PDS5A: variants seen among roughly 807,000 people sequenced by gnomAD.
PDS5A encodes the protein PDS5 cohesin associated factor A, also known as sister chromatid cohesion protein PDS5 homolog A.
Under a neutral mutation model 167.1 loss-of-function variants are expected in PDS5A, and 42 were observed. The ratio of observed to expected loss-of-function variants is 0.25; its 90% CI spans 0.20 to 0.33. The LOEUF (loss-of-function observed/expected upper bound fraction) is 0.33, where lower values mean the gene tolerates loss of function less well. Among genes scored for constraint, PDS5A ranks in the 10% least tolerant of loss-of-function variants. The probability of loss-of-function intolerance (pLI) is 1.00; values close to 1 mark genes in which losing one functional copy is unlikely to be tolerated. For missense variants in PDS5A, 1,033 were observed against 1,605.9 expected (o/e 0.64, Z 6.10); for synonymous variants, 553 against 554.6 (o/e 1.00, Z 0.04).
chr4:39,974,537 T>C (rs1357932115), intron 2 of PDS5A, among the ~76,000 whole-genome samples: 2 of 152,168 alleles, frequency 1.3e-5, no homozygotes, highest in African/African-American at 4.8e-5. Context: ...CAATATTTGC[T>C]TTATTTATTT....
At chr4:39,944,940 C>T (rs1440861741) in intron 2 of PDS5A, among the ~76,000 whole-genome samples, 4 of 151,882 alleles carry the variant, frequency 2.6e-5, no homozygotes, top group Non-Finnish European at 5.9e-5. Context: ...ATTTTCTTTA[C>T]AAATTCTTAA....
At chr4:39,938,301 T>A (rs1324083942) in intron 2 of PDS5A, among the ~76,000 whole-genome samples, 2 of 152,180 alleles carry the variant, frequency 1.3e-5, no homozygotes, top group African/African-American at 4.8e-5. Flanking sequence ...ACACCTGTAA[T>A]CCTAGCACTT....
chr4:39,854,558 G>T (rs1718378768), intron 26 of PDS5A, among the ~76,000 whole-genome samples: 1 of 152,130 alleles, frequency 6.6e-6, no homozygotes, highest in Admixed American at 6.5e-5. Context: ...CTGCTCTACA[G>T]ATTATTTTTT....
At chr4:39,893,916 T>C (rs1189152633) in intron 16 of PDS5A, among the ~76,000 whole-genome samples, 1 of 152,260 alleles carries the variant, frequency 6.6e-6, no homozygotes, top group African/African-American at 2.4e-5. Context: ...TGATTGGCTA[T>C]ACTGTGTGGC....
At chr4:39,835,988 A>T (rs1008574874) in intron 32 of PDS5A, among the ~76,000 whole-genome samples, 8 of 152,220 alleles carry the variant, frequency 5.3e-5, no homozygotes, top group African/African-American at 1.9e-4. Flanking sequence ...GGCAATCTCC[A>T]GGGAAACGTT....
At chr4:39,927,054 T>C (rs183076453) in intron 3 of PDS5A, among the ~76,000 whole-genome samples, 193 bp from the exon 4 acceptor site, 3 of 152,302 alleles carry the variant, frequency 2.0e-5, no homozygotes, top group Admixed American at 2.0e-4. Context: ...TTATACTCTT[T>C]AGAAGCAAAA....
intron 2 of PDS5A, among the ~76,000 whole-genome samples, chr4:39,940,137 A>C (rs1045608801): frequency 6.6e-6 from 1 of 151,498 alleles, no homozygotes; most frequent in Non-Finnish European, 1.5e-5. Context: ...AGGTGCCTGT[A>C]ATCTCAGCTA....
intron 2 of PDS5A, 27 bp downstream of exon 2, chr4:39,976,413 G>C (rs1731086786): frequency 1.3e-6 from 2 of 1,597,198 alleles, no homozygotes; most frequent in African/African-American, 1.3e-5. Flanking sequence ...TTCTACCAAA[G>C]ACATCAAAAT....
At chr4:39,846,045 T>C in intron 28 of PDS5A, 165 bp from the exon 29 acceptor site, 1 of 587,742 alleles carries the variant, frequency 1.7e-6, no homozygotes, top group Non-Finnish European at 2.4e-6. Flanking sequence ...ATCAAAGCCA[T>C]ACCATAAGTC....
intron 32 of PDS5A, among the ~76,000 whole-genome samples, chr4:39,835,597 A>T (rs1578571269): frequency 6.6e-6 from 1 of 151,986 alleles, no homozygotes; most frequent in Non-Finnish European, 1.5e-5. Context: ...ATCTCGGCTC[A>T]CTGCAACCCC....
At chr4:39,844,068 A>G (rs777951966) in intron 30 of PDS5A, among the ~76,000 whole-genome samples, 3 of 152,026 alleles carry the variant, frequency 2.0e-5, no homozygotes, top group Non-Finnish European at 4.4e-5. Flanking sequence ...GAAGATCCCT[A>G]GAGCCCAGGA....
chr4:39,836,195 G>A (rs1248125908), intron 32 of PDS5A, among the ~76,000 whole-genome samples: 2 of 152,134 alleles, frequency 1.3e-5, no homozygotes, highest in South Asian at 4.1e-4. Context: ...GGGAGGCAGA[G>A]GTTCAATAAA....
intron 7 of PDS5A, among the ~76,000 whole-genome samples, chr4:39,918,082 G>A (rs749563761): frequency 4.1e-4 from 62 of 151,186 alleles, no homozygotes; most frequent in Non-Finnish European, 8.5e-4. Context: ...AGGAGGCCAC[G>A]GCAGGGGGAT....
At chr4:39,840,436 A>G (rs902731168) in intron 31 of PDS5A, among the ~76,000 whole-genome samples, 4 of 152,240 alleles carry the variant, frequency 2.6e-5, no homozygotes, top group African/African-American at 9.6e-5. Context: ...GGTGTTCAAG[A>G]CCAGCCTGTA....
At chr4:39,881,517 C>A (rs1720927980) in intron 17 of PDS5A, among the ~76,000 whole-genome samples, 1 of 151,852 alleles carries the variant, frequency 6.6e-6, no homozygotes, top group Admixed American at 6.6e-5. Flanking sequence ...ATTAAAAAAA[C>A]AAATTGCTGT....
intron 10 of PDS5A, 40 bp from the exon 11 acceptor site, chr4:39,908,580 A>T: frequency 1.6e-6 from 2 of 1,285,754 alleles, no homozygotes; most frequent in South Asian, 2.5e-5. Flanking sequence ...AATGTTAGCT[A>T]TGTAATTTGT....
rs571546994 is a variant in PDS5A, at chr4:39,835,010, G to T, written c.4010+2846C>A. Among the ~76,000 whole-genome samples the T allele has an allele frequency of 3.9e-5, 6 of 152,166 alleles. No individual in the cohort carries two copies. In the South Asian group the frequency reaches 1.2e-3, roughly 32 times the overall value. ...TTTTGAGATGGAGTCTCACTCTGTC[G>T]TCCAGACTGGAGTGCAGTGGCACAA... On this transcript the variant is annotated intron_variant, in intron 32 of 32. Transcript: ENST00000303538.
chr4:39,960,831 A>C lies in PDS5A; in HGVS notation c.138+15609T>G, dbSNP rs1280759414. On this transcript the variant is annotated intron_variant, in intron 2 of 32. Transcript: ENST00000303538. Reference sequence around the variant, plus strand: ...CAGCCTTCTGAGTACCTGGGACTACAGGCACACGCCACCAAGTCCAGCTAA... The same window carrying C: ...CAGCCTTCTGAGTACCTGGGACTACCGGCACACGCCACCAAGTCCAGCTAA... 1.3e-5 allele frequency among the ~76,000 whole-genome samples: 2 copies of C among 152,088 alleles called. 1 individual carries two copies. The highest frequency in any genetic ancestry group is 4.1e-4 in the South Asian group (2 of 4,828).
intron 2 of PDS5A, among the ~76,000 whole-genome samples, chr4:39,966,592 A>G (rs1380634426): frequency 6.6e-6 from 1 of 152,344 alleles, no homozygotes; most frequent in South Asian, 2.1e-4. Flanking sequence ...GCAACAAAAC[A>G]GTAGGTATTT....
Sources: gnomAD v4.1 joint callset for allele counts (sites outside exome capture counted in the v4.1 genomes callset) on GRCh38, gnomAD v4.1.1 for gene constraint, MANE v1.5 for transcripts, NCBI Gene and HGNC (gene_info 2026-07-23, HGNC 2026-07-21) for gene names.